PRKCB: variants seen among roughly 807,000 people sequenced by gnomAD.
The protein encoded by PRKCB is protein kinase C beta.
PRKCB carries 13 observed loss-of-function variants against 81.5 expected under a neutral mutation model. That is an observed-to-expected ratio of 0.16 (90% CI 0.10 to 0.25). The LOEUF (loss-of-function observed/expected upper bound fraction) is 0.25, where lower values mean the gene tolerates loss of function less well. PRKCB is among the 10% of genes least tolerant of loss of function. PRKCB has a pLI of 1.00. For missense variants in PRKCB, 509 were observed against 875.7 expected (o/e 0.58, Z 5.29); for synonymous variants, 335 against 321.4 (o/e 1.04, Z -0.45).
intron 2 of PRKCB, among the ~76,000 whole-genome samples, chr16:23,839,300 G>T (rs1266791508): frequency 2.7e-5 from 3 of 110,392 alleles, no homozygotes; most frequent in South Asian, 5.6e-4. Flanking sequence ...TTTTGACAGG[G>T]TCTCACTCTT....
At chr16:24,058,528 A>G (rs1965934219) in intron 5 of PRKCB, among the ~76,000 whole-genome samples, 1 of 152,094 alleles carries the variant, frequency 6.6e-6, no homozygotes, top group African/African-American at 2.4e-5. Flanking sequence ...AAGGTGCCTT[A>G]GGTTTCTGGT....
At chr16:24,025,728 A>G (rs1965470548) in intron 3 of PRKCB, among the ~76,000 whole-genome samples, 1 of 152,214 alleles carries the variant, frequency 6.6e-6, no homozygotes, top group African/African-American at 2.4e-5. Context: ...TACATTTGCT[A>G]GGTGAATGAA....
At chr16:24,112,859 C>G (rs992929483) in intron 7 of PRKCB, 114 bp from the exon 8 acceptor site, 11 of 721,426 alleles carry the variant, frequency 1.5e-5, no homozygotes, top group Non-Finnish European at 1.8e-5. Context: ...AAAAAACCCT[C>G]AACGTATATT....
rs1166298428 is a variant in PRKCB at position 24,219,851 on chromosome 16, T to C, written c.*5035T>C. ...CTGCTAAAAATTTTCAGCACAGGGCTCTTTCTGACTCTGCTCATGAGATGG... is the reference window on the plus strand; with the variant it reads ...CTGCTAAAAATTTTCAGCACAGGGCCCTTTCTGACTCTGCTCATGAGATGG... On this transcript the variant is annotated 3_prime_UTR_variant, in exon 17 of 17. Coordinates refer to ENST00000643927, the MANE Select transcript of PRKCB (RefSeq NM_002738.7). 4 of 1,436,578 alleles carry C rather than the reference T, an allele frequency of 2.8e-6. No homozygotes were observed. Among genetic ancestry groups the C allele is most frequent in the Non-Finnish European group, 3.7e-6 (4 of 1,091,906 alleles). The allele number at this position is 1,436,578 out of a possible 1,614,324, so 89.0% of individuals were successfully genotyped here.
At chr16:23,923,711 A>G (rs1331159270) in intron 2 of PRKCB, among the ~76,000 whole-genome samples, 2 of 152,044 alleles carry the variant, frequency 1.3e-5, no homozygotes, top group Non-Finnish European at 2.9e-5. Context: ...TGCAGCTCTA[A>G]TAATGACAGG....
rs189414001 is a variant in PRKCB, at chr16:23,898,469, A to T, written c.205+61063A>T. ...CAATCCTCCCATCATAGAGCTTGCC[A>T]TCTAGTAGGGAGACAGACAAGCAAA... is the stretch of plus-strand genomic sequence containing the variant. On this transcript the variant is annotated intron_variant, in intron 2 of 16. Transcript: ENST00000643927. Among the ~76,000 whole-genome samples the T allele has an allele frequency of 2.0e-3, 301 of 152,156 alleles. 1 individual carries two copies. Among genetic ancestry groups the T allele is most frequent in the African/African-American group, 7.0e-3 (291 of 41,504 alleles).
rs398042091 is a variant in PRKCB, at chr16:24,071,436, TAA to T, written c.530-21330_530-21329del. On this transcript the variant is annotated intron_variant, in intron 5 of 16. Transcript: ENST00000643927. The stretch of plus-strand genomic sequence containing the variant: ...CTGGGTAACATGGTGAGACCCTGTC[TAA>T]AAAAAAAAAAAAAAAAAAAAAAAAG... 2.1e-3 allele frequency among the ~76,000 whole-genome samples: 123 copies of T among 57,280 alleles called. 2 individuals are homozygous for T. Among genetic ancestry groups the T allele is most frequent in the African/African-American group, 6.3e-3 (110 of 17,404 alleles). 37.6% of individuals were successfully genotyped at this position (57,280 alleles called of 152,430 possible). A position where few individuals can be genotyped will look rare whatever the true frequency, so the allele number is the denominator to read the frequency against.
At chr16:24,007,863 G>T (rs148628521) in intron 3 of PRKCB, among the ~76,000 whole-genome samples, 1 of 152,146 alleles carries the variant, frequency 6.6e-6, no homozygotes, top group African/African-American at 2.4e-5. Context: ...GATGTGAAAG[G>T]CCCTGGTTCT....
intron 4 of PRKCB, among the ~76,000 whole-genome samples, chr16:24,035,207 T>C (rs1965598154): frequency 6.6e-6 from 1 of 152,166 alleles, no homozygotes; most frequent in African/African-American, 2.4e-5. Context: ...AGACAAGTTC[T>C]ACCTCCTTTG....
At chr16:24,020,996 CTTT>C (rs1965357825) in intron 3 of PRKCB, among the ~76,000 whole-genome samples, 8 of 132,528 alleles carry the variant, frequency 6.0e-5, no homozygotes, top group Admixed American at 1.5e-4. Flanking sequence ...TTCTTTCTTT[CTTT>C]CTTTCTTTCT....
chr16:24,035,526 A>C lies in PRKCB; in HGVS notation c.508A>C (p.Arg170=). 5.0e-6 allele frequency: 8 copies of C among 1,611,214 alleles called. No individual in the cohort carries two copies. The highest frequency in any genetic ancestry group is 6.8e-6 in the Non-Finnish European group (8 of 1,178,676). ...CATCTACATCCAGGCCCACATCGAC[A>C]GGGACGTCCTCATTGTCCTCGGTAG... ...GRIYIQAHID[R]DVLIVLVRDA... Residue 170 remains arginine, a synonymous_variant, in exon 5 of 17, where the codon AGG becomes CGG. Coordinates refer to ENST00000643927, the MANE Select transcript of PRKCB (RefSeq NM_002738.7).
At chr16:24,208,927 C>T (rs556611765) in intron 16 of PRKCB, among the ~76,000 whole-genome samples, 1 of 152,160 alleles carries the variant, frequency 6.6e-6, no homozygotes, top group Non-Finnish European at 1.5e-5. Context: ...TATCGCACCC[C>T]CTTGGTTAAT....
chr16:24,179,466 C>T (rs1273703327), intron 12 of PRKCB, among the ~76,000 whole-genome samples: 1 of 152,188 alleles, frequency 6.6e-6, no homozygotes, highest in African/African-American at 2.4e-5. Flanking sequence ...AATCGGATTT[C>T]CCCATCTTCT....
chr16:24,017,136 G>A (rs1040129873), intron 3 of PRKCB, among the ~76,000 whole-genome samples: 6 of 152,110 alleles, frequency 3.9e-5, no homozygotes, highest in Non-Finnish European at 8.8e-5. Context: ...TAGATACCAA[G>A]AGCTTATACT....
chr16:23,900,862 C>T (rs1356761706), intron 2 of PRKCB, among the ~76,000 whole-genome samples: 1 of 150,608 alleles, frequency 6.6e-6, no homozygotes, highest in Admixed American at 6.7e-5. Flanking sequence ...CACACATGTG[C>T]AAGTACGTCT....
intron 5 of PRKCB, among the ~76,000 whole-genome samples, chr16:24,091,075 T>G (rs1445394281): frequency 6.6e-6 from 1 of 152,200 alleles, no homozygotes; most frequent in Admixed American, 6.5e-5. Context: ...ACTGCACTTA[T>G]GGAACACGAG....
At chr16:24,168,716 A>ATT (rs945320742) in intron 10 of PRKCB, among the ~76,000 whole-genome samples, 8 of 74,502 alleles carry the variant, frequency 1.1e-4, no homozygotes, top group South Asian at 4.6e-4. Flanking sequence ...ATGCCTGGCT[A>ATT]TTTTTTTTTT....
intron 2 of PRKCB, among the ~76,000 whole-genome samples, chr16:23,902,774 C>CTTCA (rs1281635369): frequency 1.3e-5 from 1 of 79,962 alleles, no homozygotes. Context: ...TCCTTCCTTC[C>CTTCA]TTCCTTCCTC....
intron 2 of PRKCB, among the ~76,000 whole-genome samples, chr16:23,953,406 C>T (rs986925524): frequency 3.3e-5 from 5 of 152,134 alleles, no homozygotes; most frequent in Non-Finnish European, 5.9e-5. Flanking sequence ...CCAGGTTAGC[C>T]GGGCATCAGC....
Sources: allele counts gnomAD v4.1 joint callset (sites outside exome capture counted in the v4.1 genomes callset), GRCh38; gene constraint gnomAD v4.1.1; transcripts MANE v1.5; gene names NCBI Gene and HGNC (gene_info 2026-07-23, HGNC 2026-07-21).